GSS: variants seen among roughly 807,000 people sequenced by gnomAD.
GSS encodes glutathione synthetase.
A neutral mutation model predicts 60.4 loss-of-function variants in GSS; 34 were observed. The ratio of observed to expected loss-of-function variants is 0.56; its 90% confidence interval spans 0.43 to 0.75. The LOEUF (loss-of-function observed/expected upper bound fraction) is 0.75, where lower values mean the gene tolerates loss of function less well. Ranked by LOEUF, GSS falls within the 30% of genes least tolerant of loss-of-function variation. The probability of loss-of-function intolerance (pLI) is 0.00; values close to 1 mark genes in which losing one functional copy is unlikely to be tolerated. For missense variants in GSS, 499 were observed against 595.1 expected (o/e 0.84, Z 1.68); for synonymous variants, 224 against 239.0 (o/e 0.94, Z 0.58).
chr20:34,931,865 C>T, intron 10 of GSS, 74 bp downstream of exon 10: 2 of 1,375,668 alleles, frequency 1.5e-6, no homozygotes, highest in South Asian at 1.2e-5. Context: ...CAGCTCCACC[C>T]TCCCCAACAC....
intron 3 of GSS, among the ~76,000 whole-genome samples, chr20:34,945,186 A>G (rs1029604510): frequency 4.0e-5 from 6 of 151,644 alleles, no homozygotes; most frequent in African/African-American, 1.5e-4. Flanking sequence ...ACACCCAGCT[A>G]ATTTTTTTAT....
intron 1 of GSS, among the ~76,000 whole-genome samples, chr20:34,953,782 A>C (rs986711562): frequency 6.6e-6 from 1 of 151,606 alleles, no homozygotes; most frequent in African/African-American, 2.4e-5. Context: ...TGCCCGGCTA[A>C]TTTTTTGTAT....
chr20:34,936,734 C>G (rs754825151), intron 8 of GSS, 29 bp downstream of exon 8: 47 of 1,504,902 alleles, frequency 3.1e-5, no homozygotes, highest in East Asian at 4.5e-5. Flanking sequence ...CATAAACCAG[C>G]CTTCCACTGG....
At chr20:34,944,950 T>A (rs2081508950) in intron 3 of GSS, among the ~76,000 whole-genome samples, 2 of 152,260 alleles carry the variant, frequency 1.3e-5, no homozygotes, top group South Asian at 2.1e-4. Context: ...ACATCTAGCA[T>A]GTATATGTAA....
chr20:34,931,913 G>A (rs1280228401), intron 10 of GSS, 26 bp downstream of exon 10: 3 of 1,605,318 alleles, frequency 1.9e-6, no homozygotes, highest in Non-Finnish European at 1.7e-6. Flanking sequence ...GAGGCCTGTG[G>A]TAGGAGAAAC....
intron 6 of GSS, among the ~76,000 whole-genome samples, chr20:34,937,881 G>A (rs1276133672): frequency 1.3e-5 from 2 of 151,718 alleles, no homozygotes; most frequent in African/African-American, 2.4e-5. Context: ...TTTTTGAGAC[G>A]GAGTCTCCCC....
chr20:34,948,849 T>C (rs2081543374), intron 2 of GSS, among the ~76,000 whole-genome samples: 1 of 152,128 alleles, frequency 6.6e-6, no homozygotes, highest in African/African-American at 2.4e-5. Flanking sequence ...GACAAAATTC[T>C]GCTTTGTAGC....
chr20:34,945,006 C>CAT (rs1029923836), intron 3 of GSS, among the ~76,000 whole-genome samples: 12 of 151,538 alleles, frequency 7.9e-5, no homozygotes, highest in South Asian at 6.2e-4. Flanking sequence ...AATATATATA[C>CAT]ATATATATAT....
intron 2 of GSS, among the ~76,000 whole-genome samples, chr20:34,947,914 T>G (rs1248781812): frequency 6.6e-6 from 1 of 152,050 alleles, no homozygotes; most frequent in African/African-American, 2.4e-5. Flanking sequence ...ATTTTAAATT[T>G]TGGTAGATAA....
Position 34,951,799 on chromosome 20 carries a change from C to T in GSS, c.54G>A (p.Leu18=), listed in dbSNP as rs1339219891. 6.2e-7 allele frequency: 1 copy of T among 1,614,202 alleles called. No individual in the cohort carries two copies. Among genetic ancestry groups the T allele is most frequent in the Admixed American group, 1.7e-5 (1 of 60,032 alleles). Residue 18 remains leucine (L), a synonymous_variant, in exon 2 of 13, where the codon CTG becomes CTA. Coordinates refer to ENST00000651619, the MANE Select transcript of GSS (RefSeq NM_000178.4). ...LLQDKQQLEE[L]ARQAVDRALA... is the part of the protein sequence containing the mutation. ...GGGCCCGGTCCACGGCCTGCCGTGCCAGCTCCTCTAGCTGCTGTTTATCCT... is the reference window on the plus strand; with the variant it reads ...GGGCCCGGTCCACGGCCTGCCGTGCTAGCTCCTCTAGCTGCTGTTTATCCT...
intron 2 of GSS, among the ~76,000 whole-genome samples, chr20:34,947,754 C>G (rs2081534101): frequency 6.6e-6 from 1 of 151,638 alleles, no homozygotes; most frequent in Non-Finnish European, 1.5e-5. Context: ...TTTATTGAAT[C>G]TAGTATATAG....
chr20:34,931,599 T>C (rs926388620), intron 10 of GSS, 182 bp from the exon 11 acceptor site: 4 of 683,176 alleles, frequency 5.9e-6, no homozygotes, highest in African/African-American at 3.5e-5. Context: ...CAGCAGCCGA[T>C]GCAATGAGAA....
At position 34,952,008 on chromosome 20, in the gene GSS, G is replaced by C; in HGVS notation, c.-8-148C>G. On this transcript the variant is annotated intron_variant, in intron 1 of 12. Transcript: ENST00000651619. ...GGTATACAGGAGTGAACACTGGCTGGTTCTAGCTCTTAACAACTTCCATGT... is the reference window on the plus strand; with the variant it reads ...GGTATACAGGAGTGAACACTGGCTGCTTCTAGCTCTTAACAACTTCCATGT... The C allele has an allele frequency of 1.3e-5, 10 of 758,116 alleles. No homozygotes were observed. The South Asian group carries it at 1.5e-4, about 11-fold the overall frequency. The allele number at this position is 758,116 out of a possible 1,614,324, so 47.0% of individuals were successfully genotyped here. A position where few individuals can be genotyped will look rare whatever the true frequency, so the allele number is the denominator to read the frequency against.
intron 1 of GSS, chr20:34,955,222 AG>A (rs1472650558): frequency 6.6e-6 from 1 of 152,198 alleles, no homozygotes; most frequent in Admixed American, 6.5e-5. Context: ...CCTAGTAATT[AG>A]CCGCGCTTAG....
intron 4 of GSS, 22 bp from the exon 5 acceptor site, chr20:34,942,649 G>T: frequency 1.2e-6 from 2 of 1,613,192 alleles, no homozygotes; most frequent in South Asian, 2.2e-5. Context: ...ACTGAAGGCT[G>T]ACAGTACCTG....
At chr20:34,946,406 T>A (rs886493891) in intron 2 of GSS, among the ~76,000 whole-genome samples, 2 of 152,252 alleles carry the variant, frequency 1.3e-5, no homozygotes, top group African/African-American at 2.4e-5. Context: ...TTTACATAGA[T>A]TCATCATTCA....
intron 12 of GSS, 146 bp downstream of exon 12, chr20:34,929,251 TAAAG>T: frequency 1.3e-6 from 1 of 785,846 alleles, no homozygotes; most frequent in Non-Finnish European, 2.2e-6. Flanking sequence ...ATTTAATAGA[TAAAG>T]AAACAGGTAA....
intron 6 of GSS, among the ~76,000 whole-genome samples, chr20:34,940,603 G>A (rs1450538701): frequency 1.3e-5 from 2 of 152,218 alleles, no homozygotes; most frequent in Non-Finnish European, 2.9e-5. Context: ...AAATGAGGGA[G>A]TTGAACAGTA....
intron 6 of GSS, among the ~76,000 whole-genome samples, chr20:34,941,172 T>C (rs1364802746): frequency 6.6e-6 from 1 of 152,214 alleles, no homozygotes; most frequent in African/African-American, 2.4e-5. Flanking sequence ...ATGACCAACA[T>C]GGTGAAACCC....
Sources: gnomAD v4.1 joint callset for allele counts (sites outside exome capture counted in the v4.1 genomes callset) on GRCh38, gnomAD v4.1.1 for gene constraint, MANE v1.5 for transcripts, NCBI Gene and HGNC (gene_info 2026-07-23, HGNC 2026-07-21) for gene names.